TTC27: variants seen among roughly 807,000 people sequenced by gnomAD.
TTC27 encodes the protein tetratricopeptide repeat protein 27.
Under a neutral mutation model 115.9 loss-of-function variants are expected in TTC27, and 79 were observed. That is an observed-to-expected ratio of 0.68 (90% CI 0.57 to 0.82). TTC27 has a LOEUF of 0.82. TTC27 is among the 40% of genes least tolerant of loss of function. The pLI, the probability that TTC27 is intolerant of heterozygous loss-of-function variation, is 0.00. For missense variants in TTC27, 1,054 were observed against 993.1 expected (o/e 1.06, Z -0.82); for synonymous variants, 401 against 356.0 (o/e 1.13, Z -1.42).
intron 9 of TTC27, among the ~76,000 whole-genome samples, chr2:32,682,695 T>A (rs1211077899): frequency 1.5e-5 from 2 of 137,222 alleles, no homozygotes; most frequent in Non-Finnish European, 3.1e-5. Context: ...TGAAATGGAG[T>A]TTTGCTCTTG....
intron 10 of TTC27, among the ~76,000 whole-genome samples, chr2:32,716,887 T>A (rs1667770271): frequency 6.6e-6 from 1 of 151,786 alleles, no homozygotes. Context: ...AGAGGCAGAG[T>A]CTTGCCATGT....
intron 16 of TTC27, among the ~76,000 whole-genome samples, chr2:32,798,268 C>T (rs559853773): frequency 1.1e-4 from 16 of 151,050 alleles, no homozygotes; most frequent in East Asian, 3.9e-4. Context: ...TGAATGGTGG[C>T]GGGCGCCTGT....
intron 9 of TTC27, among the ~76,000 whole-genome samples, chr2:32,685,275 A>C (rs1666592239): frequency 6.6e-6 from 1 of 151,982 alleles, no homozygotes; most frequent in African/African-American, 2.4e-5. Context: ...GGTGATCTGC[A>C]CTTCTTGGCC....
intron 13 of TTC27, among the ~76,000 whole-genome samples, chr2:32,764,614 G>C (rs1052610270): frequency 6.6e-6 from 1 of 152,166 alleles, no homozygotes; most frequent in Non-Finnish European, 1.5e-5. Context: ...GAAGTTTGCT[G>C]CATAGATGGA....
intron 16 of TTC27, among the ~76,000 whole-genome samples, chr2:32,808,178 G>A (rs974677744): frequency 4.0e-5 from 6 of 151,762 alleles, no homozygotes; most frequent in South Asian, 2.1e-4. Flanking sequence ...CATGTGATCC[G>A]CCTACCTCTG....
intron 8 of TTC27, among the ~76,000 whole-genome samples, chr2:32,672,896 CA>C (rs1666061993): frequency 6.6e-6 from 1 of 152,074 alleles, no homozygotes; most frequent in African/African-American, 2.4e-5. Context: ...ATATTTCCAA[CA>C]AATAATGTTA....
At chr2:32,749,352 G>A (rs1668934018) in intron 12 of TTC27, among the ~76,000 whole-genome samples, 1 of 152,134 alleles carries the variant, frequency 6.6e-6, no homozygotes, top group African/African-American at 2.4e-5. Flanking sequence ...AACCCATTCT[G>A]CCCCCTCCAG....
intron 9 of TTC27, among the ~76,000 whole-genome samples, chr2:32,683,549 T>C (rs1189920518): frequency 6.6e-6 from 1 of 152,208 alleles, no homozygotes; most frequent in East Asian, 1.9e-4. Context: ...AATGTTTTAA[T>C]TTAGCAAAGT....
chr2:32,725,973 A>T (rs985295396), intron 10 of TTC27, among the ~76,000 whole-genome samples: 1 of 152,198 alleles, frequency 6.6e-6, no homozygotes, highest in Non-Finnish European at 1.5e-5. Context: ...CACCCTCTGA[A>T]GCCATGGTTC....
Position 32,628,304 on chromosome 2 carries a change from G to T in TTC27, c.12G>T (p.Pro4=). The change falls in exon 1 of 20, where the codon CCG becomes CCT. Residue 4 remains proline, a synonymous_variant. Transcript: ENST00000317907. MWT[P]ELAILRGFPT... Reference sequence around the variant, plus strand: ...CGGTGTCTGGGGTGATGTGGACCCCGGAGCTGGCAATTCTGAGGGGATTCC... The same window carrying T: ...CGGTGTCTGGGGTGATGTGGACCCCTGAGCTGGCAATTCTGAGGGGATTCC... 6.2e-7 allele frequency: 1 copy of T among 1,605,978 alleles called. No individual in the cohort carries two copies. The highest frequency in any genetic ancestry group is 8.5e-7 in the Non-Finnish European group (1 of 1,177,388).
intron 12 of TTC27, among the ~76,000 whole-genome samples, chr2:32,749,295 G>C (rs937999755): frequency 6.6e-6 from 1 of 152,098 alleles, no homozygotes; most frequent in Non-Finnish European, 1.5e-5. Context: ...CACTAGACTG[G>C]GCATATGATG....
chr2:32,695,980 G>A (rs115288822), intron 9 of TTC27, among the ~76,000 whole-genome samples: 2,640 of 150,670 alleles, frequency 0.018, 67 homozygotes, highest in African/African-American at 0.062. Context: ...AAAATTAGCC[G>A]GTCGTGGTGG....
intron 4 of TTC27, among the ~76,000 whole-genome samples, chr2:32,641,433 A>G (rs1396766712): frequency 6.6e-6 from 1 of 152,238 alleles, no homozygotes; most frequent in Non-Finnish European, 1.5e-5. Context: ...TACTTCTCAC[A>G]TTCACAAAAT....
At chr2:32,657,461 C>G (rs1038241079) in intron 5 of TTC27, among the ~76,000 whole-genome samples, 1 of 150,670 alleles carries the variant, frequency 6.6e-6, no homozygotes, top group Non-Finnish European at 1.5e-5. Flanking sequence ...TCACGCCATT[C>G]TCCTGCCTCA....
At chr2:32,810,184 C>T (rs78779614) in intron 16 of TTC27, among the ~76,000 whole-genome samples, 2,110 of 151,682 alleles carry the variant, frequency 0.014, 46 homozygotes, top group African/African-American at 0.049. Context: ...CTAGATACTT[C>T]GCATGCCTAA....
intron 14 of TTC27, among the ~76,000 whole-genome samples, chr2:32,779,759 C>T (rs1479746699): frequency 6.6e-6 from 1 of 152,092 alleles, no homozygotes; most frequent in Non-Finnish European, 1.5e-5. Context: ...ATCTTTTCTG[C>T]TAGGAGTTTT....
At chr2:32,699,317 A>C (rs1667103543) in intron 9 of TTC27, among the ~76,000 whole-genome samples, 1 of 152,234 alleles carries the variant, frequency 6.6e-6, no homozygotes, top group Non-Finnish European at 1.5e-5. Context: ...CCAGCCTTGT[A>C]GGCATTGGGG....
intron 12 of TTC27, among the ~76,000 whole-genome samples, chr2:32,738,811 G>A (rs1165086748): frequency 6.6e-6 from 1 of 152,154 alleles, no homozygotes; most frequent in Non-Finnish European, 1.5e-5. Context: ...CAGCAACCAA[G>A]TGCTTTATGA....
At chr2:32,640,230 T>C (rs1341302939) in intron 3 of TTC27, 40 bp from the exon 4 acceptor site, 1 of 1,560,462 alleles carries the variant, frequency 6.4e-7, no homozygotes, top group Non-Finnish European at 8.7e-7. Context: ...ATTAATATTT[T>C]GTTAAATTAT....
Sources: allele counts gnomAD v4.1 joint callset (sites outside exome capture counted in the v4.1 genomes callset), GRCh38; gene constraint gnomAD v4.1.1; transcripts MANE v1.5; gene names NCBI Gene and HGNC (gene_info 2026-07-23, HGNC 2026-07-21).